The following EFNA5 variants were observed in gnomAD, a reference collection of about 807,000 sequenced individuals.
EFNA5 encodes the protein ephrin-A5.
A neutral mutation model predicts 22.9 loss-of-function variants in EFNA5; 5 were observed. The observed-to-expected ratio is 0.22, with a 90% CI of 0.11 to 0.46. The LOEUF (loss-of-function observed/expected upper bound fraction) is 0.46. EFNA5 is among the 20% of genes least tolerant of loss of function. The probability of loss-of-function intolerance (pLI) is 0.99; values close to 1 mark genes in which losing one functional copy is unlikely to be tolerated. For missense variants in EFNA5, 237 were observed against 293.3 expected (o/e 0.81, Z 1.40); for synonymous variants, 113 against 112.2 (o/e 1.01, Z -0.04).
At chr5:107,619,235 T>A (rs573508713) in intron 1 of EFNA5, among the ~76,000 whole-genome samples, 1 of 151,820 alleles carries the variant, frequency 6.6e-6, no homozygotes, top group Admixed American at 6.6e-5. Context: ...AGTTGTGTAC[T>A]CTTATAAATA....
At position 107,618,221 on chromosome 5, in the gene EFNA5, G is replaced by T. The variant is rs538878869; in HGVS notation, c.125+52268C>A. 2.0e-5 allele frequency among the ~76,000 whole-genome samples: 3 copies of T among 152,292 alleles called. No homozygotes were observed. The East Asian group carries it at 5.8e-4, about 29-fold the overall frequency. ...CTTTTGAAAAAGTAAGGCCAAAGAAGAAATATTTGAGGCTTTCAGTGCTAA... is the reference window on the plus strand; with the variant it reads ...CTTTTGAAAAAGTAAGGCCAAAGAATAAATATTTGAGGCTTTCAGTGCTAA... On this transcript the variant is annotated intron_variant, in intron 1 of 4. Coordinates refer to ENST00000333274, the MANE Select transcript of EFNA5 (RefSeq NM_001962.3).
At chr5:107,581,204 G>A (rs191956091) in intron 1 of EFNA5, among the ~76,000 whole-genome samples, 37 of 152,178 alleles carry the variant, frequency 2.4e-4, no homozygotes, top group Admixed American at 1.6e-3. Context: ...CAGAAACATC[G>A]CATTTTTCAC....
At chr5:107,527,178 C>T (rs1163820123) in intron 1 of EFNA5, among the ~76,000 whole-genome samples, 1 of 152,030 alleles carries the variant, frequency 6.6e-6, no homozygotes, top group Non-Finnish European at 1.5e-5. Context: ...TGTTTTGTTT[C>T]ATGTATGAAA....
intron 1 of EFNA5, among the ~76,000 whole-genome samples, chr5:107,637,863 T>G (rs1750414823): frequency 6.6e-6 from 1 of 151,394 alleles, no homozygotes; most frequent in African/African-American, 2.4e-5. Context: ...ATTTATTTAT[T>G]TTTGACGGAG....
chr5:107,476,414 C>T (rs1024475708), intron 1 of EFNA5, among the ~76,000 whole-genome samples: 3 of 151,942 alleles, frequency 2.0e-5, no homozygotes, highest in African/African-American at 4.8e-5. Context: ...CTATGTAAAC[C>T]TTTACACATC....
intron 1 of EFNA5, among the ~76,000 whole-genome samples, chr5:107,449,382 A>T (rs971385760): frequency 2.0e-5 from 3 of 151,640 alleles, no homozygotes; most frequent in Admixed American, 6.6e-5. Flanking sequence ...AAAAAAAAAA[A>T]TAAGGATTCT....
Position 107,438,466 on chromosome 5 carries a change from G to A in EFNA5, c.126-10957C>T, listed in dbSNP as rs928210907. ...CTCTCAGTTGTGTCCCAGCAACCAT[G>A]AGCTGGAAATCCAGAGACTCCTTTG... On this transcript the variant is annotated intron_variant, in intron 1 of 4. Transcript: ENST00000333274. Among the ~76,000 whole-genome samples, 3 of 152,294 alleles carry A rather than the reference G, an allele frequency of 2.0e-5. No individual in the cohort carries two copies. In the South Asian group the frequency reaches 6.2e-4, roughly 32 times the overall value.
chr5:107,446,636 C>T (rs1172872224), intron 1 of EFNA5, among the ~76,000 whole-genome samples: 1 of 152,086 alleles, frequency 6.6e-6, no homozygotes, highest in African/African-American at 2.4e-5. Context: ...CGCCTGTAGT[C>T]CCAGCTACTC....
chr5:107,596,179 G>C (rs973534446), intron 1 of EFNA5, among the ~76,000 whole-genome samples: 1 of 152,098 alleles, frequency 6.6e-6, no homozygotes, highest in Non-Finnish European at 1.5e-5. Flanking sequence ...GCCATTTTAA[G>C]TGTACAGTAC....
At chr5:107,648,232 ATTAT>A (rs1434966376) in intron 1 of EFNA5, among the ~76,000 whole-genome samples, 10 of 152,258 alleles carry the variant, frequency 6.6e-5, no homozygotes, top group African/African-American at 1.9e-4. Context: ...TTACTATGAC[ATTAT>A]TTATATATTT....
At chr5:107,387,581 T>C in intron 3 of EFNA5, 125 bp downstream of exon 3, 2 of 709,164 alleles carry the variant, frequency 2.8e-6, no homozygotes, top group Non-Finnish European at 4.9e-6. Flanking sequence ...ATATGAATGT[T>C]GATATACAAA....
chr5:107,507,399 A>G (rs1747274128), intron 1 of EFNA5, among the ~76,000 whole-genome samples: 1 of 152,254 alleles, frequency 6.6e-6, no homozygotes, highest in African/African-American at 2.4e-5. Flanking sequence ...AAAACAAATT[A>G]TAAGTCTTTA....
intron 2 of EFNA5, among the ~76,000 whole-genome samples, chr5:107,424,175 T>C (rs989105329): frequency 2.6e-5 from 4 of 151,156 alleles, no homozygotes; most frequent in Non-Finnish European, 5.9e-5. Context: ...CAAAAAGCTA[T>C]AGCTTTCTTT....
At chr5:107,635,875 T>C (rs140813260) in intron 1 of EFNA5, among the ~76,000 whole-genome samples, 2,656 of 152,306 alleles carry the variant, frequency 0.017, 33 homozygotes, top group Middle Eastern at 0.031. Context: ...AACAAGGTCA[T>C]GCTAGTTCAC....
chr5:107,487,846 C>G lies in EFNA5; in HGVS notation c.126-60337G>C, dbSNP rs147332354. ...ACAGTGTTTGTATAACAGGTGCCAA[C>G]AAATATTTGCTGAATTTAATTTTAC... On this transcript the variant is annotated intron_variant, in intron 1 of 4. Coordinates refer to ENST00000333274, the MANE Select transcript of EFNA5 (RefSeq NM_001962.3). 1.3e-3 allele frequency among the ~76,000 whole-genome samples: 192 copies of G among 152,278 alleles called. 1 individual carries two copies. Among genetic ancestry groups the G allele is most frequent in the Middle Eastern group, 6.8e-3 (2 of 294 alleles).
intron 1 of EFNA5, among the ~76,000 whole-genome samples, chr5:107,445,773 C>A (rs534208604): frequency 4.6e-5 from 7 of 152,296 alleles, no homozygotes; most frequent in Non-Finnish European, 8.8e-5. Context: ...AAGTGGAAAT[C>A]AAAATGGAAA....
chr5:107,394,355 G>A (rs1747864359), intron 2 of EFNA5, among the ~76,000 whole-genome samples: 1 of 152,142 alleles, frequency 6.6e-6, no homozygotes, highest in Non-Finnish European at 1.5e-5. Flanking sequence ...TAAAGATAGA[G>A]GCCTTGGAGA....
At chr5:107,420,291 C>A (rs1357329218) in intron 2 of EFNA5, among the ~76,000 whole-genome samples, 1 of 151,994 alleles carries the variant, frequency 6.6e-6, no homozygotes, top group Non-Finnish European at 1.5e-5. Flanking sequence ...AAATGCAAAA[C>A]TTTTTGGACT....
intron 2 of EFNA5, among the ~76,000 whole-genome samples, chr5:107,405,377 C>A (rs1268130965): frequency 6.6e-6 from 1 of 152,230 alleles, no homozygotes; most frequent in Non-Finnish European, 1.5e-5. Flanking sequence ...TCCCCATTTA[C>A]ATACAGACAT....
Sources: allele counts gnomAD v4.1 joint callset (sites outside exome capture counted in the v4.1 genomes callset), GRCh38; gene constraint gnomAD v4.1.1; transcripts MANE v1.5; gene names NCBI Gene and HGNC (gene_info 2026-07-23, HGNC 2026-07-21).